GALNT17: variants seen among roughly 807,000 people sequenced by gnomAD.
GALNT17 encodes UDP-GalNAc:polypeptide N-acetylgalactosaminyltransferase-like 3.
Under a neutral mutation model 63.7 loss-of-function variants are expected in GALNT17, and 29 were observed. The ratio of observed to expected loss-of-function variants is 0.46; its 90% CI spans 0.34 to 0.62. The LOEUF is 0.62. GALNT17 is among the 20% of genes least tolerant of loss of function. The pLI, the probability that GALNT17 is intolerant of heterozygous loss-of-function variation, is 0.01. For missense variants in GALNT17, 603 were observed against 799.6 expected, an observed-to-expected ratio of 0.75 and a Z score of 2.97; for synonymous variants, 305 against 318.3, an observed-to-expected ratio of 0.96 and a Z score of 0.45.
intron 6 of GALNT17, among the ~76,000 whole-genome samples, chr7:71,653,116 A>G (rs906852188): frequency 6.6e-6 from 1 of 152,146 alleles, no homozygotes; most frequent in Non-Finnish European, 1.5e-5. Context: ...CCCGGGTTCA[A>G]ACAATTCTCC....
At chr7:71,237,298 A>C (rs1789910871) in intron 1 of GALNT17, among the ~76,000 whole-genome samples, 1 of 152,054 alleles carries the variant, frequency 6.6e-6, no homozygotes, top group Non-Finnish European at 1.5e-5. Flanking sequence ...GCACCATTTC[A>C]CTTGATCCCC....
intron 1 of GALNT17, among the ~76,000 whole-genome samples, chr7:71,256,154 C>T (rs1439408833): frequency 6.6e-6 from 1 of 152,222 alleles, no homozygotes; most frequent in Non-Finnish European, 1.5e-5. Flanking sequence ...ATTTACCAAT[C>T]AGAAAATCTG....
chr7:71,627,885 A>T (rs1038522877), intron 6 of GALNT17, among the ~76,000 whole-genome samples: 1 of 152,146 alleles, frequency 6.6e-6, no homozygotes, highest in Non-Finnish European at 1.5e-5. Context: ...CGAACTATTT[A>T]TAGCCTGTAT....
At chr7:71,258,914 G>A (rs757156504) in intron 1 of GALNT17, among the ~76,000 whole-genome samples, 3 of 152,176 alleles carry the variant, frequency 2.0e-5, no homozygotes, top group Non-Finnish European at 4.4e-5. Flanking sequence ...GACATTTGAC[G>A]CAGAAAAGAC....
Position 71,707,594 on chromosome 7 carries a change from A to G in GALNT17, c.1501-3167A>G, listed in dbSNP as rs148624500. On this transcript the variant is annotated intron_variant, in intron 9 of 10. Coordinates refer to ENST00000333538, the MANE Select transcript of GALNT17 (RefSeq NM_022479.3). Reference sequence around the variant, plus strand: ...TACAGGTCAGCTGGATGGTTCTCTGATCTGGACTAGGCTTGGCTGATCTAG... The same window carrying G: ...TACAGGTCAGCTGGATGGTTCTCTGGTCTGGACTAGGCTTGGCTGATCTAG... 1.5e-3 allele frequency among the ~76,000 whole-genome samples: 227 copies of G among 152,256 alleles called. No individual in the cohort carries two copies. The Middle Eastern group carries it at 0.017, about 11-fold the overall frequency.
chr7:71,291,012 T>C (rs4446620), intron 1 of GALNT17, among the ~76,000 whole-genome samples: 70,072 of 152,114 alleles, frequency 0.46, 17,464 homozygotes, highest in Non-Finnish European at 0.55. Flanking sequence ...TTCATAGGAC[T>C]TATGTCAGGA....
At chr7:71,384,569 G>A (rs1296085046) in intron 2 of GALNT17, among the ~76,000 whole-genome samples, 1 of 152,196 alleles carries the variant, frequency 6.6e-6, no homozygotes, top group Non-Finnish European at 1.5e-5. Context: ...AGTGCCCAGA[G>A]AACACGGACC....
At chr7:71,506,153 T>C (rs1442529321) in intron 5 of GALNT17, among the ~76,000 whole-genome samples, 3 of 152,236 alleles carry the variant, frequency 2.0e-5, no homozygotes, top group Non-Finnish European at 2.9e-5. Flanking sequence ...GGACTCCATA[T>C]GTATTTGCAA....
intron 5 of GALNT17, among the ~76,000 whole-genome samples, chr7:71,501,114 C>T (rs569540451): frequency 1.1e-4 from 16 of 152,160 alleles, no homozygotes; most frequent in African/African-American, 3.9e-4. Flanking sequence ...GGATTACACG[C>T]GCTACCACCA....
In GALNT17 at chr7:71,580,111, T is replaced by C. The variant is rs555941787; in HGVS notation, c.1080+8709T>C. 5.9e-5 allele frequency among the ~76,000 whole-genome samples: 9 copies of C among 152,166 alleles called. No homozygotes were observed. The South Asian group carries it at 1.9e-3, about 32-fold the overall frequency. On this transcript the variant is annotated intron_variant, in intron 6 of 10. Transcript: ENST00000333538. ...TAGGTATGGATAGATTGATAGATTATAGATTAGATTGATAATAGAGATAAC... is the reference window on the plus strand; with the variant it reads ...TAGGTATGGATAGATTGATAGATTACAGATTAGATTGATAATAGAGATAAC...
intron 3 of GALNT17, among the ~76,000 whole-genome samples, chr7:71,409,721 G>A (rs1793397299): frequency 6.6e-6 from 1 of 152,178 alleles, no homozygotes; most frequent in Non-Finnish European, 1.5e-5. Flanking sequence ...TATGTCCACT[G>A]TGCAGTAACA....
At chr7:71,293,827 T>C (rs1293211814) in intron 1 of GALNT17, among the ~76,000 whole-genome samples, 1 of 152,220 alleles carries the variant, frequency 6.6e-6, no homozygotes, top group Non-Finnish European at 1.5e-5. Flanking sequence ...GTATTTTCTT[T>C]GAATGTGATG....
At chr7:71,319,895 T>C (rs967094322) in intron 1 of GALNT17, among the ~76,000 whole-genome samples, 3 of 152,106 alleles carry the variant, frequency 2.0e-5, no homozygotes, top group Admixed American at 1.3e-4. Flanking sequence ...ATGTGTCTCA[T>C]GCTTCTTGGA....
intron 6 of GALNT17, among the ~76,000 whole-genome samples, chr7:71,609,659 G>A (rs868637941): frequency 2.0e-5 from 3 of 151,990 alleles, no homozygotes; most frequent in South Asian, 2.1e-4. Flanking sequence ...CCACCCCCTT[G>A]AGCATTTATC....
At chr7:71,507,613 G>T (rs1467005854) in intron 5 of GALNT17, among the ~76,000 whole-genome samples, 1 of 152,176 alleles carries the variant, frequency 6.6e-6, no homozygotes, top group East Asian at 1.9e-4. Flanking sequence ...ACCTGCCTGT[G>T]TCTATAGACG....
At chr7:71,313,436 T>A (rs1391997578) in intron 1 of GALNT17, among the ~76,000 whole-genome samples, 1 of 152,114 alleles carries the variant, frequency 6.6e-6, no homozygotes, top group African/African-American at 2.4e-5. Flanking sequence ...AAAGAGCCAA[T>A]GAAAAAGAAT....
At chr7:71,231,513 A>G (rs1003807203) in intron 1 of GALNT17, among the ~76,000 whole-genome samples, 4 of 152,078 alleles carry the variant, frequency 2.6e-5, no homozygotes, top group Non-Finnish European at 5.9e-5. Flanking sequence ...CTGTAATGAA[A>G]TACCATAGAC....
intron 5 of GALNT17, among the ~76,000 whole-genome samples, chr7:71,521,905 T>C (rs991929202): frequency 2.6e-5 from 4 of 152,116 alleles, no homozygotes; most frequent in Admixed American, 1.3e-4. Context: ...TCCCCTAAAG[T>C]TTTGGTTCTA....
chr7:71,168,444 C>T (rs917925127), intron 1 of GALNT17, among the ~76,000 whole-genome samples: 17 of 151,784 alleles, frequency 1.1e-4, no homozygotes, highest in African/African-American at 3.6e-4. Flanking sequence ...TGGTGGCGGG[C>T]GGCTGTAACC....
Sources: gnomAD v4.1 joint callset for allele counts (sites outside exome capture counted in the v4.1 genomes callset) on GRCh38, gnomAD v4.1.1 for gene constraint, MANE v1.5 for transcripts, NCBI Gene and HGNC (gene_info 2026-07-23, HGNC 2026-07-21) for gene names.